Variants in CPNE4 observed in about 807,000 individuals in gnomAD.
CPNE4 encodes copine 4.
In CPNE4, 25 loss-of-function variants were observed where a neutral mutation model predicts 67.9. That is an observed-to-expected ratio of 0.37 (90% confidence interval 0.27 to 0.51). The LOEUF (loss-of-function observed/expected upper bound fraction) is 0.51, where lower values mean the gene tolerates loss of function less well. Among genes scored for constraint, CPNE4 ranks in the 20% least tolerant of loss-of-function variants. The pLI, the probability that CPNE4 is intolerant of heterozygous loss-of-function variation, is 0.93. For missense variants in CPNE4, 464 were observed against 690.8 expected, an observed-to-expected ratio of 0.67 and a Z score of 3.68; for synonymous variants, 242 against 244.9, an observed-to-expected ratio of 0.99 and a Z score of 0.11.
chr3:131,535,080 A>AT lies in CPNE4; in HGVS notation c.*114dup. The AT allele has an allele frequency of 8.8e-7, 1 of 1,139,722 alleles. No individual in the cohort carries two copies. Among genetic ancestry groups the AT allele is most frequent in the Non-Finnish European group, 1.2e-6 (1 of 832,716 alleles). 70.6% of individuals were successfully genotyped at this position (1,139,722 alleles called of 1,614,324 possible). The stretch of plus-strand genomic sequence containing the variant: ...TAGTTAAAAATCACCAAAACGTGCT[A>AT]TTTTTAAATGTGTATATGTTGTTGG... On this transcript the variant is annotated 3_prime_UTR_variant, in exon 16 of 16. Transcript: ENST00000429747.
chr3:131,812,220 G>GAA (rs34281349), intron 2 of CPNE4, among the ~76,000 whole-genome samples: 2,781 of 135,076 alleles, frequency 0.021, 54 homozygotes, highest in Middle Eastern at 0.083. Flanking sequence ...AAAATTGGAA[G>GAA]AAAAAAAAAA....
At chr3:131,979,424 A>G (rs1841538) in intron 1 of CPNE4, among the ~76,000 whole-genome samples, 45,048 of 152,042 alleles carry the variant, frequency 0.3, 7,064 homozygotes, top group Admixed American at 0.41. Context: ...CAAGGCTTTT[A>G]CCATTATGTA....
At chr3:132,035,091 C>T (rs973274320), upstream of CPNE4, 13 of 983,110 alleles carry the variant, frequency 1.3e-5, no homozygotes, top group Admixed American at 6.1e-5. Flanking sequence ...GGGTTGCTGA[C>T]GGAGACGAGC....
chr3:131,590,063 A>G (rs1329224194), intron 7 of CPNE4, among the ~76,000 whole-genome samples: 1 of 152,158 alleles, frequency 6.6e-6, no homozygotes, highest in Non-Finnish European at 1.5e-5. Flanking sequence ...TATGATGTCT[A>G]ATTTTCAAGG....
chr3:131,804,507 A>T (rs2084241503), intron 2 of CPNE4, among the ~76,000 whole-genome samples: 1 of 152,188 alleles, frequency 6.6e-6, no homozygotes. Flanking sequence ...GACTAGCACA[A>T]TAATAAACCA....
intron 2 of CPNE4, among the ~76,000 whole-genome samples, chr3:131,762,926 A>T (rs2082925570): frequency 6.6e-6 from 1 of 151,888 alleles, no homozygotes; most frequent in Non-Finnish European, 1.5e-5. Context: ...AAAAAAAGCC[A>T]CATACACAAA....
chr3:131,974,759 G>A (rs2107623022), intron 1 of CPNE4, among the ~76,000 whole-genome samples: 1 of 152,268 alleles, frequency 6.6e-6, no homozygotes, highest in East Asian at 1.9e-4. Context: ...TGTAATCCTA[G>A]CACTTTGGGA....
chr3:131,986,595 G>T (rs1174593927), intron 1 of CPNE4, among the ~76,000 whole-genome samples: 1 of 152,086 alleles, frequency 6.6e-6, no homozygotes, highest in Non-Finnish European at 1.5e-5. Flanking sequence ...AGGAGGAATT[G>T]TGCAACATAG....
In CPNE4 at chr3:131,854,735, T is replaced by C. The variant is rs1006300430; in HGVS notation, c.180+50529A>G. 2.6e-5 allele frequency among the ~76,000 whole-genome samples: 4 copies of C among 151,774 alleles called. No homozygotes were observed. The South Asian group carries it at 8.3e-4, about 32-fold the overall frequency. On this transcript the variant is annotated intron_variant, in intron 2 of 15. Transcript: ENST00000429747. Reference sequence around the variant, plus strand: ...CTGTGATTCTTTTATTTTCTCTCCCTCCATCTTTATTCTTTTCCTCCGTTC... The same window carrying C: ...CTGTGATTCTTTTATTTTCTCTCCCCCCATCTTTATTCTTTTCCTCCGTTC...
chr3:131,607,230 C>G (rs1168477158), intron 7 of CPNE4, among the ~76,000 whole-genome samples: 1 of 151,584 alleles, frequency 6.6e-6, no homozygotes, highest in East Asian at 2.0e-4. Flanking sequence ...GAGTCAGACA[C>G]ACATTTGCAA....
chr3:131,695,617 A>T (rs565025923), intron 5 of CPNE4, among the ~76,000 whole-genome samples: 157 of 152,284 alleles, frequency 1.0e-3, no homozygotes, highest in African/African-American at 3.7e-3. Flanking sequence ...ATTTGGGGAG[A>T]TGATGAAGGA....
At chr3:131,827,063 CA>C (rs1358007410) in intron 2 of CPNE4, among the ~76,000 whole-genome samples, 1 of 151,672 alleles carries the variant, frequency 6.6e-6, no homozygotes, top group Non-Finnish European at 1.5e-5. Context: ...CAAAAAAAAA[CA>C]AAACAAAACA....
intron 1 of CPNE4, among the ~76,000 whole-genome samples, chr3:131,953,051 G>A (rs972262168): frequency 5.3e-5 from 8 of 151,790 alleles, no homozygotes; most frequent in African/African-American, 9.7e-5. Context: ...CAGCATGCTC[G>A]TTAAGAGTCA....
intron 2 of CPNE4, among the ~76,000 whole-genome samples, chr3:131,786,503 T>G (rs2083566246): frequency 6.6e-6 from 1 of 152,188 alleles, no homozygotes; most frequent in Non-Finnish European, 1.5e-5. Context: ...CATTACCTTT[T>G]CTAATGTAAT....
chr3:131,874,298 C>T (rs1380850737), intron 2 of CPNE4, among the ~76,000 whole-genome samples: 1 of 152,112 alleles, frequency 6.6e-6, no homozygotes, highest in Non-Finnish European at 1.5e-5. Flanking sequence ...CCATGTTAGC[C>T]AGGATGGTTT....
chr3:131,940,855 G>A (rs554806851), intron 1 of CPNE4, among the ~76,000 whole-genome samples: 1 of 152,132 alleles, frequency 6.6e-6, no homozygotes, highest in Admixed American at 6.6e-5. Context: ...CTTTTTAGCA[G>A]AATAATAGTA....
At chr3:131,951,324 T>A (rs1197781521) in intron 1 of CPNE4, among the ~76,000 whole-genome samples, 1 of 151,000 alleles carries the variant, frequency 6.6e-6, no homozygotes. Flanking sequence ...TCACTATTGA[T>A]TTTTTATGTC....
chr3:131,757,325 G>A (rs754960533), intron 2 of CPNE4, among the ~76,000 whole-genome samples: 27 of 152,208 alleles, frequency 1.8e-4, no homozygotes, highest in Non-Finnish European at 3.4e-4. Flanking sequence ...GTCTCAGATG[G>A]AGATGAGGAA....
At chr3:131,795,633 A>C in intron 2 of CPNE4, among the ~76,000 whole-genome samples, 1 of 152,152 alleles carries the variant, frequency 6.6e-6, no homozygotes, top group Non-Finnish European at 1.5e-5. Context: ...GGTTCTGGCC[A>C]GTCTATGGAG....
Sources: gnomAD v4.1 joint callset for allele counts (sites outside exome capture counted in the v4.1 genomes callset) on GRCh38, gnomAD v4.1.1 for gene constraint, MANE v1.5 for transcripts, NCBI Gene and HGNC (gene_info 2026-07-23, HGNC 2026-07-21) for gene names.